POU3F3: variants seen among roughly 807,000 people sequenced by gnomAD.
The protein encoded by POU3F3 is POU domain, class 3, transcription factor 3.
POU3F3 carries 1 observed loss-of-function variant against 8.6 expected under a neutral mutation model. The observed-to-expected ratio is 0.12, with a 90% CI of 0.04 to 0.55. The LOEUF is 0.55. POU3F3 is among the 20% of genes least tolerant of loss of function. The pLI is 0.91. For synonymous variants in POU3F3, 418 were observed against 327.4 expected (o/e 1.28, Z -2.99); for missense variants, 577 against 690.7 (o/e 0.84, Z 1.84).
Position 104,855,561 on chromosome 2 carries a change from G to A in POU3F3, c.51G>A (p.Ala17=). 2 of 1,043,250 alleles carry A rather than the reference G, an allele frequency of 1.9e-6. No homozygotes were observed. The highest frequency in any genetic ancestry group is 2.8e-5 in the South Asian group (1 of 35,106). 64.6% of individuals were successfully genotyped at this position (1,043,250 alleles called of 1,614,324 possible). ...NPYLPGNSLL[A]AGSIVHSDAA... ...ACCTGCCGGGGAACAGCCTGCTCGC[G>A]GCCGGCTCTATTGTGCACTCGGACG... The change falls in exon 1 of 1, where the codon GCG becomes GCA. Residue 17 remains alanine, a synonymous_variant. Coordinates refer to ENST00000361360, the MANE Select transcript of POU3F3 (RefSeq NM_006236.3).
At chr2:104,870,295 C>T in the POU3F3 span, among the ~76,000 whole-genome samples, 1 of 152,170 alleles carries the variant, frequency 6.6e-6, no homozygotes, top group African/African-American at 2.4e-5. Flanking sequence ...TTAACTCTGA[C>T]AAATAGAAAT....
At chr2:104,922,088 A>G in the POU3F3 span, among the ~76,000 whole-genome samples, 1 of 152,216 alleles carries the variant, frequency 6.6e-6, no homozygotes, top group African/African-American at 2.4e-5. Context: ...ACCTGAAAAG[A>G]CTTTAAGTTT....
the POU3F3 span, among the ~76,000 whole-genome samples, chr2:104,916,315 A>G: frequency 6.6e-6 from 1 of 152,192 alleles, no homozygotes; most frequent in Non-Finnish European, 1.5e-5. Flanking sequence ...GCTTAGATGT[A>G]GTGATGAACA....
chr2:104,919,028 C>T, the POU3F3 span, among the ~76,000 whole-genome samples: 398 of 151,784 alleles, frequency 2.6e-3, 2 homozygotes, highest in African/African-American at 9.4e-3. Context: ...TGCGCCACCA[C>T]GCCCAGCTAA....
chr2:104,895,068 TG>T, the POU3F3 span, among the ~76,000 whole-genome samples: 1 of 28,288 alleles, frequency 3.5e-5, no homozygotes, highest in Non-Finnish European at 8.7e-5. Context: ...GGTGAGTGTG[TG>T]TGTGTGTGTG....
At chr2:104,873,116 G>C in the POU3F3 span, among the ~76,000 whole-genome samples, 1 of 152,172 alleles carries the variant, frequency 6.6e-6, no homozygotes, top group African/African-American at 2.4e-5. Context: ...TCCTTGGAGC[G>C]GCTAAAACCG....
the POU3F3 span, among the ~76,000 whole-genome samples, chr2:104,918,951 A>C: frequency 4.0e-5 from 6 of 149,002 alleles, no homozygotes; most frequent in African/African-American, 1.5e-4. Flanking sequence ...AGCTCACCCC[A>C]ACCTCCGCTT....
chr2:104,916,113 T>C, the POU3F3 span, among the ~76,000 whole-genome samples: 1 of 152,214 alleles, frequency 6.6e-6, no homozygotes, highest in Admixed American at 6.5e-5. Context: ...CCATCCCTTA[T>C]AGTTTATAAG....
At chr2:104,895,360 G>A in the POU3F3 span, among the ~76,000 whole-genome samples, 1 of 152,150 alleles carries the variant, frequency 6.6e-6, no homozygotes, top group Non-Finnish European at 1.5e-5. Context: ...TCCTTCGGAT[G>A]CTGTAATTTA....
chr2:104,898,635 CCTTA>C, the POU3F3 span, among the ~76,000 whole-genome samples: 15 of 152,036 alleles, frequency 9.9e-5, no homozygotes, highest in African/African-American at 3.1e-4. Flanking sequence ...CTTTGGTAAG[CCTTA>C]CTAACAAAAT....
At chr2:104,884,069 A>G in the POU3F3 span, among the ~76,000 whole-genome samples, 1 of 152,226 alleles carries the variant, frequency 6.6e-6, no homozygotes. Context: ...TGATGAGAAT[A>G]GAGACCATGC....
chr2:104,915,374 T>C, the POU3F3 span, among the ~76,000 whole-genome samples: 4 of 152,124 alleles, frequency 2.6e-5, no homozygotes, highest in South Asian at 8.3e-4. Context: ...GTAGTGGCCA[T>C]GGATTGAAGG....
At chr2:104,896,543 T>C in the POU3F3 span, among the ~76,000 whole-genome samples, 10 of 152,350 alleles carry the variant, frequency 6.6e-5, no homozygotes, top group South Asian at 2.1e-4. Flanking sequence ...CTATTTTAAG[T>C]AGGTTTTTAA....
At position 104,855,569 on chromosome 2, in the gene POU3F3, C is replaced by G. The variant is rs1676538215; in HGVS notation, c.59C>G (p.Ser20Cys). Residue 20 changes from serine (S) to cysteine (C), a missense_variant, in exon 1 of 1, where the codon TCT (serine) becomes TGT (cysteine). Physicochemically the swap from Ser to Cys is moderately radical, Grantham distance 112. Transcript: ENST00000361360. ...LPGNSLLAAG[S>C]IVHSDAAGAG... ...GGGAACAGCCTGCTCGCGGCCGGCT[C>G]TATTGTGCACTCGGACGCGGCAGGG... 3.0e-6 allele frequency: 3 copies of G among 1,013,158 alleles called. No homozygotes were observed. Among genetic ancestry groups the G allele is most frequent in the Admixed American group, 1.2e-4 (2 of 17,012 alleles). The allele number at this position is 1,013,158 out of a possible 1,614,324, so 62.8% of individuals were successfully genotyped here.
chr2:104,887,688 CG>C, the POU3F3 span, among the ~76,000 whole-genome samples: 1 of 152,162 alleles, frequency 6.6e-6, no homozygotes, highest in Non-Finnish European at 1.5e-5. Context: ...CTCAAGAGAG[CG>C]GTGAAGCATG....
chr2:104,914,890 A>T, the POU3F3 span, among the ~76,000 whole-genome samples: 1 of 152,190 alleles, frequency 6.6e-6, no homozygotes, highest in African/African-American at 2.4e-5. Context: ...AAGCAGGGAC[A>T]TTTCAGGGCT....
At chr2:104,859,583 G>A (rs1295228512), downstream of POU3F3, among the ~76,000 whole-genome samples, 1 of 152,038 alleles carries the variant, frequency 6.6e-6, no homozygotes, top group Non-Finnish European at 1.5e-5. Context: ...TCAATGCAGG[G>A]GTTAAAAAAC....
chr2:104,924,526 C>T, the POU3F3 span, among the ~76,000 whole-genome samples: 1 of 152,190 alleles, frequency 6.6e-6, no homozygotes, highest in Non-Finnish European at 1.5e-5. Context: ...TTCGGATTAA[C>T]TGTAAGATTT....
chr2:104,861,782 C>A (rs1055192770), downstream of POU3F3, among the ~76,000 whole-genome samples: 11 of 152,198 alleles, frequency 7.2e-5, no homozygotes, highest in Non-Finnish European at 1.0e-4. Context: ...GTGGGGCAAC[C>A]TCTCAGGCTC....
Sources: allele counts gnomAD v4.1 joint callset (sites outside exome capture counted in the v4.1 genomes callset), GRCh38; gene constraint gnomAD v4.1.1; transcripts MANE v1.5; gene names NCBI Gene and HGNC (gene_info 2026-07-23, HGNC 2026-07-21).